The following CDH13 variants were observed in gnomAD, a reference collection of about 807,000 sequenced individuals.
CDH13 encodes cadherin 13, also known as cadherin-13.
In CDH13, 24 loss-of-function variants were observed where a neutral mutation model predicts 63.8. The observed-to-expected ratio is 0.38, with a 90% confidence interval of 0.27 to 0.53. The LOEUF is 0.53. CDH13 is among the 20% of genes least tolerant of loss of function. CDH13 has a pLI of 0.85. For synonymous variants in CDH13, 503 were observed against 355.3 expected (o/e 1.42, Z -4.67); for missense variants, 1,049 against 903.1 (o/e 1.16, Z -2.07).
At chr16:83,606,002 T>G (rs1443509060) in intron 8 of CDH13, among the ~76,000 whole-genome samples, 1 of 152,150 alleles carries the variant, frequency 6.6e-6, no homozygotes. Flanking sequence ...GAGCTCCTAA[T>G]GAGGACTGGC....
At chr16:83,233,698 C>T (rs1208683003) in intron 5 of CDH13, among the ~76,000 whole-genome samples, 1 of 152,216 alleles carries the variant, frequency 6.6e-6, no homozygotes, top group Non-Finnish European at 1.5e-5. Context: ...CTCCCATCCC[C>T]AGCCCTCTTT....
intron 2 of CDH13, among the ~76,000 whole-genome samples, chr16:82,885,515 C>G (rs2040858320): frequency 6.7e-6 from 1 of 148,420 alleles, no homozygotes; most frequent in Admixed American, 6.8e-5. Flanking sequence ...ATCCATCTAT[C>G]CATTCATCCA....
At chr16:83,563,495 A>G (rs4371139) in intron 7 of CDH13, among the ~76,000 whole-genome samples, 12,545 of 152,332 alleles carry the variant, frequency 0.082, 722 homozygotes, top group South Asian at 0.16. Flanking sequence ...GATGTTCAGA[A>G]TTTAATGTTG....
chr16:83,446,185 C>T (rs1018268144), intron 6 of CDH13, among the ~76,000 whole-genome samples: 9 of 151,836 alleles, frequency 5.9e-5, no homozygotes, highest in African/African-American at 2.2e-4. Context: ...TGCCTGTAAT[C>T]CCAGCTATTT....
intron 2 of CDH13, among the ~76,000 whole-genome samples, chr16:83,016,457 A>G (rs74030357): frequency 0.031 from 4,725 of 152,284 alleles, 229 homozygotes; most frequent in African/African-American, 0.11. Flanking sequence ...AGATATGGAG[A>G]TAAAACTGTA....
At chr16:83,324,562 T>A (rs1419536446) in intron 5 of CDH13, among the ~76,000 whole-genome samples, 1 of 152,222 alleles carries the variant, frequency 6.6e-6, no homozygotes, top group Non-Finnish European at 1.5e-5. Context: ...TTCCCCCATG[T>A]TGTAGTTGAT....
At chr16:82,675,614 T>C (rs1441822089) in intron 1 of CDH13, among the ~76,000 whole-genome samples, 1 of 152,192 alleles carries the variant, frequency 6.6e-6, no homozygotes, top group Non-Finnish European at 1.5e-5. Context: ...TCAGAAAATG[T>C]ATGCAAAAAT....
chr16:83,006,995 C>T (rs527938732), intron 2 of CDH13, among the ~76,000 whole-genome samples: 96 of 151,594 alleles, frequency 6.3e-4, no homozygotes, highest in African/African-American at 2.3e-3. Context: ...ATGATCTCGG[C>T]TCATCACAAC....
intron 8 of CDH13, among the ~76,000 whole-genome samples, chr16:83,654,634 T>A (rs1267391247): frequency 6.6e-6 from 1 of 152,262 alleles, no homozygotes; most frequent in East Asian, 1.9e-4. Context: ...AATTAAAATA[T>A]AATAATGCCA....
chr16:82,696,045 G>A (rs947335515), intron 1 of CDH13, among the ~76,000 whole-genome samples: 2 of 152,050 alleles, frequency 1.3e-5, no homozygotes, highest in East Asian at 1.9e-4. Flanking sequence ...CCTGAAATTC[G>A]GGTGACATCT....
chr16:83,019,179 A>T (rs1915102659), intron 2 of CDH13, among the ~76,000 whole-genome samples: 2 of 152,260 alleles, frequency 1.3e-5, no homozygotes, highest in African/African-American at 4.8e-5. Context: ...CTTACAACAC[A>T]AACACATTGT....
chr16:83,316,185 C>A (rs2090101113), intron 5 of CDH13, among the ~76,000 whole-genome samples: 1 of 152,138 alleles, frequency 6.6e-6, no homozygotes, highest in South Asian at 2.1e-4. Flanking sequence ...ATGGGGGAAC[C>A]ACCCCCATGA....
At chr16:83,561,890 C>A (rs1282173972) in intron 7 of CDH13, among the ~76,000 whole-genome samples, 1 of 151,990 alleles carries the variant, frequency 6.6e-6, no homozygotes, top group Non-Finnish European at 1.5e-5. Flanking sequence ...AGACAGAGCA[C>A]CAAAATCAAA....
Position 83,796,012 on chromosome 16 carries a change from A to T in CDH13, c.*982A>T, listed in dbSNP as rs1163236749. The T allele has an allele frequency of 6.6e-6, 1 of 152,670 alleles. No individual in the cohort carries two copies. Among genetic ancestry groups the T allele is most frequent in the Non-Finnish European group, 1.5e-5 (1 of 68,050 alleles). 9.5% of individuals were successfully genotyped at this position (152,670 alleles called of 1,614,324 possible). A position where few individuals can be genotyped will look rare whatever the true frequency, so the allele number is the denominator to read the frequency against. On this transcript the variant is annotated 3_prime_UTR_variant, in exon 14 of 14. Coordinates refer to ENST00000567109, the MANE Select transcript of CDH13 (RefSeq NM_001257.5). Reference sequence around the variant, plus strand: ...CACATGTACAGACATACATTTATGCACATTCACGCTGTTTGTTTCATATAT... The same window carrying T: ...CACATGTACAGACATACATTTATGCTCATTCACGCTGTTTGTTTCATATAT...
intron 8 of CDH13, among the ~76,000 whole-genome samples, chr16:83,637,346 C>T (rs1447513128): frequency 1.2e-5 from 1 of 84,240 alleles, no homozygotes; most frequent in Non-Finnish European, 2.2e-5. Context: ...ACGGTGATTT[C>T]TGCATTTCCA....
At chr16:83,150,707 A>T (rs2036943699) in intron 4 of CDH13, among the ~76,000 whole-genome samples, 1 of 152,078 alleles carries the variant, frequency 6.6e-6, no homozygotes, top group African/African-American at 2.4e-5. Flanking sequence ...ATAGTAAGCA[A>T]CTCTTAGGAA....
At chr16:82,787,872 A>G (rs1259673401) in intron 1 of CDH13, among the ~76,000 whole-genome samples, 1 of 5,226 alleles carries the variant, frequency 1.9e-4, no homozygotes, top group Non-Finnish European at 8.0e-4. Context: ...GCCATCATAC[A>G]TCTTTCCGGA....
At chr16:82,920,298 AT>A (rs1216763862) in intron 2 of CDH13, among the ~76,000 whole-genome samples, 1 of 152,198 alleles carries the variant, frequency 6.6e-6, no homozygotes. Context: ...TCCCCTCATA[AT>A]GCAAAGGTAG....
chr16:83,297,855 A>G (rs1053680346), intron 5 of CDH13, among the ~76,000 whole-genome samples: 1 of 152,110 alleles, frequency 6.6e-6, no homozygotes, highest in African/African-American at 2.4e-5. Context: ...TCAAAGTGAG[A>G]TCCAGACCTT....
Sources: allele counts gnomAD v4.1 joint callset (sites outside exome capture counted in the v4.1 genomes callset), GRCh38; gene constraint gnomAD v4.1.1; transcripts MANE v1.5; gene names NCBI Gene and HGNC (gene_info 2026-07-23, HGNC 2026-07-21).